The following SUPT3H variants were observed in gnomAD, a reference collection of about 807,000 sequenced individuals.
SUPT3H encodes the protein SPT3 homolog, SAGA and STAGA complex component, also known as transcription initiation protein SPT3 homolog.
SUPT3H carries 44 observed loss-of-function variants against 44.3 expected under a neutral mutation model. The observed-to-expected ratio is 0.99, with a 90% CI of 0.78 to 1.28. SUPT3H has a LOEUF of 1.28. Among genes scored for constraint, SUPT3H ranks in the 50% most tolerant of loss-of-function variants. SUPT3H has a pLI of 0.00. For synonymous variants in SUPT3H, 124 were observed against 125.6 expected, an observed-to-expected ratio of 0.99 and a Z score of 0.09; for missense variants, 380 against 387.1, an observed-to-expected ratio of 0.98 and a Z score of 0.15.
chr6:45,292,421 C>A (rs896840739), intron 2 of SUPT3H, among the ~76,000 whole-genome samples: 8 of 151,776 alleles, frequency 5.3e-5, no homozygotes, highest in Admixed American at 4.6e-4. Flanking sequence ...AAAACAAAAA[C>A]AAAATCTAAT....
chr6:45,371,937 C>A (rs994123931), intron 1 of SUPT3H: 6 of 793,854 alleles, frequency 7.6e-6, no homozygotes, highest in Non-Finnish European at 9.2e-6. Context: ...CAAGGACACA[C>A]TACTATTTAG....
At chr6:44,956,070 C>T (rs918480261) in intron 7 of SUPT3H, among the ~76,000 whole-genome samples, 2 of 150,276 alleles carry the variant, frequency 1.3e-5, no homozygotes. Flanking sequence ...TACAGTGAGC[C>T]GAGATGGAGC....
chr6:44,864,198 G>A (rs552793100), intron 10 of SUPT3H, among the ~76,000 whole-genome samples: 3 of 152,306 alleles, frequency 2.0e-5, no homozygotes, highest in South Asian at 2.1e-4. Flanking sequence ...TTCCGCCTAT[G>A]AGCCTGTAAA....
At chr6:44,921,916 T>C (rs1460255573) in intron 10 of SUPT3H, among the ~76,000 whole-genome samples, 2 of 152,218 alleles carry the variant, frequency 1.3e-5, no homozygotes, top group Non-Finnish European at 2.9e-5. Context: ...TGAATGCGCC[T>C]GGGCAAACTC....
chr6:45,077,236 A>G (rs931204991), intron 3 of SUPT3H, among the ~76,000 whole-genome samples: 8 of 152,186 alleles, frequency 5.3e-5, no homozygotes, highest in African/African-American at 1.9e-4. Flanking sequence ...TCATTCCTGA[A>G]CAGACCATAT....
chr6:45,331,157 G>A (rs1301932225), intron 2 of SUPT3H, among the ~76,000 whole-genome samples: 5 of 151,878 alleles, frequency 3.3e-5, no homozygotes, highest in Non-Finnish European at 7.4e-5. Flanking sequence ...TAGAGAAAGA[G>A]TATGTCTGTG....
intron 10 of SUPT3H, among the ~76,000 whole-genome samples, chr6:44,849,186 GCATAGCTGTA>G (rs1400160923): frequency 8.6e-5 from 13 of 150,834 alleles, no homozygotes; most frequent in African/African-American, 3.2e-4. Context: ...TTTCTATAGG[GCATAGCTGTA>G]GATATAAGCA....
At chr6:45,184,398 T>C (rs775951663) in intron 2 of SUPT3H, among the ~76,000 whole-genome samples, 1 of 152,186 alleles carries the variant, frequency 6.6e-6, no homozygotes, top group Non-Finnish European at 1.5e-5. Context: ...CACAGCCCGA[T>C]GTCCAAATTG....
chr6:45,119,569 C>T (rs1328234173), intron 2 of SUPT3H, among the ~76,000 whole-genome samples: 1 of 152,112 alleles, frequency 6.6e-6, no homozygotes, highest in Non-Finnish European at 1.5e-5. Context: ...ATGTATATAG[C>T]TGCCTGTTGG....
At chr6:45,249,211 T>C (rs1047253700) in intron 2 of SUPT3H, among the ~76,000 whole-genome samples, 2 of 152,236 alleles carry the variant, frequency 1.3e-5, no homozygotes, top group Non-Finnish European at 2.9e-5. Context: ...TTTTCTGATT[T>C]ACTATTTCAT....
chr6:44,899,300 G>C (rs1031420103), intron 10 of SUPT3H: 1 of 152,252 alleles, frequency 6.6e-6, no homozygotes, highest in East Asian at 1.9e-4. Flanking sequence ...CACTTGTAAG[G>C]TGCTGCCTGG....
At chr6:45,339,761 A>G (rs936179148) in intron 2 of SUPT3H, among the ~76,000 whole-genome samples, 1 of 152,184 alleles carries the variant, frequency 6.6e-6, no homozygotes, top group Non-Finnish European at 1.5e-5. Context: ...AAAATTTATT[A>G]AAGTTTTAAT....
chr6:45,174,688 C>T (rs191497866), intron 2 of SUPT3H, among the ~76,000 whole-genome samples: 97 of 152,096 alleles, frequency 6.4e-4, no homozygotes, highest in Non-Finnish European at 1.6e-4. Context: ...TTTAGAGCAA[C>T]ATCTATAAAA....
intron 10 of SUPT3H, among the ~76,000 whole-genome samples, chr6:44,881,533 T>A (rs540547): frequency 6.6e-6 from 1 of 151,442 alleles, no homozygotes; most frequent in African/African-American, 2.4e-5. Context: ...CTGGACCAAG[T>A]GGACCTAATA....
chr6:45,079,095 G>C (rs1371888236), intron 3 of SUPT3H, among the ~76,000 whole-genome samples: 2 of 152,084 alleles, frequency 1.3e-5, no homozygotes, highest in African/African-American at 2.4e-5. Context: ...TGGATCACTA[G>C]GTAAGGAGAT....
chr6:45,254,452 A>T (rs1418622348), intron 2 of SUPT3H, among the ~76,000 whole-genome samples: 1 of 152,198 alleles, frequency 6.6e-6, no homozygotes, highest in Non-Finnish European at 1.5e-5. Flanking sequence ...GTTAATCAGT[A>T]ATGAGATAAA....
chr6:45,355,089 C>G (rs983725150), intron 2 of SUPT3H, among the ~76,000 whole-genome samples: 5 of 151,704 alleles, frequency 3.3e-5, no homozygotes, highest in Non-Finnish European at 5.9e-5. Context: ...ATCCTTCCAC[C>G]TCAGCCTCCC....
intron 2 of SUPT3H, among the ~76,000 whole-genome samples, chr6:45,134,686 G>GT (rs1804000958): frequency 6.6e-6 from 1 of 152,208 alleles, no homozygotes; most frequent in African/African-American, 2.4e-5. Flanking sequence ...GAAGAAAGCA[G>GT]TAAGTAGTCT....
At chr6:45,194,503 C>CA (rs1311339706) in intron 2 of SUPT3H, among the ~76,000 whole-genome samples, 1 of 151,774 alleles carries the variant, frequency 6.6e-6, no homozygotes, top group Admixed American at 6.6e-5. Flanking sequence ...TGTTTTCTAC[C>CA]AAAAAAGAGC....
Sources: allele counts gnomAD v4.1 joint callset (sites outside exome capture counted in the v4.1 genomes callset), GRCh38; gene constraint gnomAD v4.1.1; transcripts MANE v1.5; gene names NCBI Gene and HGNC (gene_info 2026-07-23, HGNC 2026-07-21).